Variants in FNIP1 observed in about 807,000 individuals in gnomAD.
FNIP1 encodes the protein folliculin interacting protein 1.
In FNIP1, 40 loss-of-function variants were observed where a neutral mutation model predicts 124.5. The ratio of observed to expected loss-of-function variants is 0.32; its 90% CI spans 0.25 to 0.42. The LOEUF is 0.42. FNIP1 is among the 10% of genes least tolerant of loss of function. The pLI is 1.00. For missense variants in FNIP1, 1,176 were observed against 1,403.7 expected, an observed-to-expected ratio of 0.84 and a Z score of 2.59; for synonymous variants, 472 against 470.6, an observed-to-expected ratio of 1.00 and a Z score of -0.04.
intron 15 of FNIP1, among the ~76,000 whole-genome samples, chr5:131,656,003 T>C (rs1198218739): frequency 1.3e-5 from 2 of 151,944 alleles, no homozygotes; most frequent in African/African-American, 4.8e-5. Context: ...GCCCAGGTGT[T>C]TGAGGCTGCA....
intron 15 of FNIP1, among the ~76,000 whole-genome samples, chr5:131,653,539 CAA>C (rs79417004): frequency 3.5e-5 from 4 of 114,444 alleles, no homozygotes; most frequent in Non-Finnish European, 3.7e-5. Context: ...AATTCCGTCT[CAA>C]AAAAAAAAAA....
At position 131,709,286 on chromosome 5, in the gene FNIP1, T is replaced by C. The variant is rs1769214711; in HGVS notation, c.707-14A>G. On this transcript the variant is annotated splice_polypyrimidine_tract_variant and intron_variant, in intron 7 of 17. Coordinates refer to ENST00000510461, the MANE Select transcript of FNIP1 (RefSeq NM_133372.3). ...GGTTGCTGTGAACTATAAATAAAGA[T>C]GAAACTGTCAGTTATAAAATATATT... is the stretch of plus-strand genomic sequence containing the variant. The C allele has an allele frequency of 6.2e-7, 1 of 1,608,874 alleles. No homozygotes were observed. The highest frequency in any genetic ancestry group is 8.5e-7 in the Non-Finnish European group (1 of 1,175,470).
intron 11 of FNIP1, among the ~76,000 whole-genome samples, chr5:131,693,099 A>T (rs939458610): frequency 2.6e-5 from 4 of 151,076 alleles, no homozygotes; most frequent in African/African-American, 4.9e-5. Flanking sequence ...TATATACTGG[A>T]ATATTGCTAA....
chr5:131,781,432 CT>C (rs2149584266), intron 1 of FNIP1, among the ~76,000 whole-genome samples: 1 of 152,348 alleles, frequency 6.6e-6, no homozygotes, highest in South Asian at 2.1e-4. Flanking sequence ...GGCTTCCAAG[CT>C]TTAAAGGACA....
rs114715581 is a variant in FNIP1 at position 131,683,668 on chromosome 5, G to T, written c.1203-4493C>A. On this transcript the variant is annotated intron_variant, in intron 11 of 17. Transcript: ENST00000510461. The stretch of plus-strand genomic sequence containing the variant: ...TTTTTTAATGTGTATTTTTTTAATT[G>T]CAGTTAATTTTTATTGGTTTTTCTT... Among the ~76,000 whole-genome samples, 728 of 150,234 alleles carry T rather than the reference G, an allele frequency of 4.8e-3. 9 individuals are homozygous for T. The highest frequency in any genetic ancestry group is 0.017 in the African/African-American group (682 of 40,900).
At chr5:131,708,130 T>C (rs905680676) in intron 8 of FNIP1, among the ~76,000 whole-genome samples, 1 of 152,214 alleles carries the variant, frequency 6.6e-6, no homozygotes, top group Non-Finnish European at 1.5e-5. Flanking sequence ...CATTTTGTTT[T>C]GTTTCACAAA....
At chr5:131,739,004 C>G (rs565695755) in intron 2 of FNIP1, among the ~76,000 whole-genome samples, 1 of 151,918 alleles carries the variant, frequency 6.6e-6, no homozygotes, top group African/African-American at 2.4e-5. Context: ...TCTGTAGAGA[C>G]GGGGTCTTCC....
In FNIP1 at chr5:131,671,628, G is replaced by A; in HGVS notation, c.2816C>T (p.Ser939Leu). 6.2e-7 allele frequency: 1 copy of A among 1,614,060 alleles called. No homozygotes were observed. The highest frequency in any genetic ancestry group is 8.5e-7 in the Non-Finnish European group (1 of 1,180,006). The change falls in exon 14 of 18, where the codon TCA (serine) becomes TTA (leucine). Residue 939 changes from serine to leucine, a missense_variant. This residue lies in a region of FNIP1 where 1,109 missense variants were observed against 1,288.5 expected (regional missense o/e 0.86). Coordinates refer to ENST00000510461, the MANE Select transcript of FNIP1 (RefSeq NM_133372.3). ...TEWDIPRNES[S>L]DSALGDSESE... The stretch of plus-strand genomic sequence containing the variant: ...TTCACTATCCCCAAGGGCACTGTCT[G>A]AACTTTCATTTCTTGGAATGTCCCA...
chr5:131,757,145 C>A (rs185468442), intron 1 of FNIP1, among the ~76,000 whole-genome samples: 1 of 152,032 alleles, frequency 6.6e-6, no homozygotes, highest in Non-Finnish European at 1.5e-5. Context: ...GTGGTCTCAA[C>A]GAAGTTAAAG....
At chr5:131,720,487 A>C in intron 3 of FNIP1, among the ~76,000 whole-genome samples, 1 of 152,222 alleles carries the variant, frequency 6.6e-6, no homozygotes, top group East Asian at 1.9e-4. Flanking sequence ...GCAAAAACAG[A>C]CAAGTGGGAC....
intron 11 of FNIP1, 147 bp from the exon 12 acceptor site, chr5:131,679,322 C>T (rs555321916): frequency 6.6e-6 from 4 of 609,022 alleles, no homozygotes; most frequent in South Asian, 6.3e-5. Context: ...TCCTTCTTTC[C>T]TTGTCAACAA....
chr5:131,724,156 G>C (rs1769773853), intron 3 of FNIP1, among the ~76,000 whole-genome samples: 1 of 152,138 alleles, frequency 6.6e-6, no homozygotes, highest in African/African-American at 2.4e-5. Flanking sequence ...TGTGAATAGT[G>C]CTGCAATAAA....
At chr5:131,712,313 G>C (rs762440234) in intron 6 of FNIP1, among the ~76,000 whole-genome samples, 42 of 152,108 alleles carry the variant, frequency 2.8e-4, no homozygotes, top group Non-Finnish European at 4.7e-4. Flanking sequence ...TCCTTATTCT[G>C]TCAACACTTA....
intron 11 of FNIP1, among the ~76,000 whole-genome samples, chr5:131,683,322 G>C (rs1315476619): frequency 6.6e-6 from 1 of 151,842 alleles, no homozygotes; most frequent in Non-Finnish European, 1.5e-5. Flanking sequence ...GCCGAGGCAG[G>C]CAGATCACGA....
intron 15 of FNIP1, among the ~76,000 whole-genome samples, chr5:131,665,594 G>T (rs944675561): frequency 5.0e-5 from 7 of 139,482 alleles, no homozygotes; most frequent in Admixed American, 2.2e-4. Context: ...ATATAGATAG[G>T]TTTTTTTTTT....
chr5:131,675,070 T>TC (rs1767873137), intron 13 of FNIP1, among the ~76,000 whole-genome samples: 1 of 152,204 alleles, frequency 6.6e-6, no homozygotes, highest in Non-Finnish European at 1.5e-5. Context: ...ATACTTATCC[T>TC]CCTTCTTGGC....
At chr5:131,781,713 CA>C (rs1772002397) in intron 1 of FNIP1, among the ~76,000 whole-genome samples, 1 of 152,128 alleles carries the variant, frequency 6.6e-6, no homozygotes, top group Non-Finnish European at 1.5e-5. Flanking sequence ...ATCTTGTCAC[CA>C]AAGAGCTCCA....
chr5:131,721,733 G>C (rs774797771), intron 3 of FNIP1, among the ~76,000 whole-genome samples: 4 of 152,236 alleles, frequency 2.6e-5, no homozygotes, highest in Admixed American at 6.5e-5. Flanking sequence ...AGGAGGCAGA[G>C]GTTGTAGTGA....
At chr5:131,759,840 G>C (rs955535034) in intron 1 of FNIP1, among the ~76,000 whole-genome samples, 1 of 152,068 alleles carries the variant, frequency 6.6e-6, no homozygotes, top group Non-Finnish European at 1.5e-5. Flanking sequence ...ATAAACCTAG[G>C]GGCCCATCAA....
Sources: allele counts gnomAD v4.1 joint callset (sites outside exome capture counted in the v4.1 genomes callset), GRCh38; gene constraint gnomAD v4.1.1; regional missense constraint gnomAD v4.1.1; transcripts MANE v1.5; gene names NCBI Gene and HGNC (gene_info 2026-07-23, HGNC 2026-07-21).